The following SPICE1 variants were observed in gnomAD, a reference collection of about 807,000 sequenced individuals.
SPICE1 encodes spindle and centriole-associated protein 1.
Under a neutral mutation model 102.7 loss-of-function variants are expected in SPICE1, and 75 were observed. The ratio of observed to expected loss-of-function variants is 0.73; its 90% CI spans 0.61 to 0.88. The LOEUF (loss-of-function observed/expected upper bound fraction) is 0.88, where lower values mean the gene tolerates loss of function less well. SPICE1 is among the 40% of genes least tolerant of loss of function. SPICE1 has a pLI of 0.00. For missense variants in SPICE1, 979 were observed against 1,020.1 expected (o/e 0.96, Z 0.55); for synonymous variants, 308 against 350.3 (o/e 0.88, Z 1.35).
intron 1 of SPICE1, among the ~76,000 whole-genome samples, chr3:113,510,995 C>A (rs150285145): frequency 2.6e-5 from 4 of 152,106 alleles, no homozygotes; most frequent in Non-Finnish European, 4.4e-5. Context: ...ATGCAGCCAA[C>A]AAACGTATGA....
chr3:113,514,662 G>T (rs1283640835), intron 1 of SPICE1: 1 of 731,444 alleles, frequency 1.4e-6, no homozygotes, highest in South Asian at 1.4e-5. Context: ...ACTCACAGGA[G>T]GAGCCTTCTG....
chr3:113,457,384 C>T (rs1238122392), intron 12 of SPICE1, 27 bp from the exon 13 acceptor site: 2 of 1,606,286 alleles, frequency 1.2e-6, no homozygotes, highest in Non-Finnish European at 8.5e-7. Context: ...GATATTAGTA[C>T]AATAGGAACA....
At chr3:113,496,629 A>G (rs933340962) in intron 4 of SPICE1, among the ~76,000 whole-genome samples, 4 of 152,176 alleles carry the variant, frequency 2.6e-5, no homozygotes, top group African/African-American at 9.6e-5. Context: ...CAGCAAATGA[A>G]ATCTAAGATT....
At chr3:113,473,384 T>C (rs1936255123) in intron 7 of SPICE1, among the ~76,000 whole-genome samples, 1 of 152,132 alleles carries the variant, frequency 6.6e-6, no homozygotes, top group Admixed American at 6.5e-5. Context: ...CCAGGAGAAC[T>C]TCCCCAATCT....
At chr3:113,473,882 C>T (rs150380129) in intron 7 of SPICE1, among the ~76,000 whole-genome samples, 2,518 of 151,808 alleles carry the variant, frequency 0.017, 55 homozygotes, top group African/African-American at 0.049. Context: ...CATCAACTAA[C>T]GAGCAAAATA....
At chr3:113,483,104 T>C (rs563568181) in intron 7 of SPICE1, among the ~76,000 whole-genome samples, 62 of 152,334 alleles carry the variant, frequency 4.1e-4, no homozygotes, top group African/African-American at 1.4e-3. Context: ...GTAGTTCTCC[T>C]TGAAGAGGTC....
At chr3:113,514,671 T>A in intron 1 of SPICE1, 1 of 853,814 alleles carries the variant, frequency 1.2e-6, no homozygotes, top group Non-Finnish European at 1.7e-6. Context: ...AGGAGCCTTC[T>A]GAGAAGCCCC....
intron 9 of SPICE1, 128 bp downstream of exon 9, chr3:113,468,634 C>T: frequency 2.5e-6 from 3 of 1,177,382 alleles, no homozygotes; most frequent in Non-Finnish European, 1.2e-6. Context: ...TTCTTAGCTA[C>T]CATTCAATAA....
intron 1 of SPICE1, among the ~76,000 whole-genome samples, chr3:113,509,200 T>C (rs1937171375): frequency 6.6e-6 from 1 of 152,180 alleles, no homozygotes; most frequent in African/African-American, 2.4e-5. Context: ...TAAAAACCTC[T>C]GAACTGTATA....
intron 7 of SPICE1, among the ~76,000 whole-genome samples, chr3:113,487,627 A>T (rs1020219621): frequency 1.3e-5 from 2 of 152,190 alleles, no homozygotes; most frequent in African/African-American, 4.8e-5. Context: ...CCAGAAATTA[A>T]ACATTAAAGA....
intron 13 of SPICE1, 126 bp downstream of exon 13, chr3:113,457,010 C>T (rs981453945): frequency 4.4e-6 from 4 of 899,374 alleles, no homozygotes; most frequent in Non-Finnish European, 5.0e-6. Context: ...CTTCCTTCAG[C>T]TTAAAGGCTA....
chr3:113,492,519 T>A (rs1218556199), intron 6 of SPICE1, among the ~76,000 whole-genome samples: 1 of 152,232 alleles, frequency 6.6e-6, no homozygotes, highest in African/African-American at 2.4e-5. Context: ...GTTTTACTAC[T>A]GTAATACAAT....
intron 7 of SPICE1, among the ~76,000 whole-genome samples, chr3:113,474,460 T>C (rs1936288389): frequency 6.6e-6 from 1 of 152,120 alleles, no homozygotes; most frequent in Non-Finnish European, 1.5e-5. Flanking sequence ...TACAGAACTC[T>C]CCACCCCAAA....
intron 4 of SPICE1, among the ~76,000 whole-genome samples, chr3:113,496,529 T>G (rs1936889009): frequency 6.6e-6 from 1 of 152,172 alleles, no homozygotes; most frequent in South Asian, 2.1e-4. Context: ...GTTATTACAT[T>G]TTGGGGATTT....
chr3:113,486,401 A>G (rs992363861), intron 7 of SPICE1, among the ~76,000 whole-genome samples: 3 of 150,792 alleles, frequency 2.0e-5, no homozygotes, highest in Non-Finnish European at 3.0e-5. Context: ...CAAAAAATCA[A>G]TGAATCCAGG....
intron 4 of SPICE1, 56 bp downstream of exon 4, chr3:113,499,383 A>G (rs1268484769): frequency 6.5e-7 from 1 of 1,548,142 alleles, no homozygotes; most frequent in South Asian, 1.2e-5. Context: ...AAGAAAAACA[A>G]AGAACCCTAT....
At chr3:113,483,244 C>T (rs1055052672) in intron 7 of SPICE1, among the ~76,000 whole-genome samples, 12 of 152,098 alleles carry the variant, frequency 7.9e-5, no homozygotes, top group African/African-American at 1.2e-4. Context: ...GTGATTTTTG[C>T]ACACTGATTT....
intron 4 of SPICE1, among the ~76,000 whole-genome samples, chr3:113,496,059 C>CTTTTTTT (rs10557473): frequency 4.8e-5 from 4 of 82,908 alleles, no homozygotes; most frequent in East Asian, 3.5e-4. Flanking sequence ...TTTTTTACAA[C>CTTTTTTT]TTTTTTTTTT....
At chr3:113,472,676 G>C (rs1190779473) in intron 7 of SPICE1, among the ~76,000 whole-genome samples, 1 of 152,146 alleles carries the variant, frequency 6.6e-6, no homozygotes, top group East Asian at 1.9e-4. Flanking sequence ...AGGCAAACAG[G>C]GTCTGGAGTG....
Sources: gnomAD v4.1 joint callset for allele counts (sites outside exome capture counted in the v4.1 genomes callset) on GRCh38, gnomAD v4.1.1 for gene constraint, MANE v1.5 for transcripts, NCBI Gene and HGNC (gene_info 2026-07-23, HGNC 2026-07-21) for gene names.